The following RALGAPA1 variants were observed in gnomAD, a reference collection of about 807,000 sequenced individuals.
RALGAPA1 encodes the protein ral GTPase-activating protein subunit alpha-1.
RALGAPA1 carries 52 observed loss-of-function variants against 269.6 expected under a neutral mutation model. The observed-to-expected ratio is 0.19, with a 90% CI of 0.15 to 0.24. The LOEUF is 0.24. Among genes scored for constraint, RALGAPA1 ranks in the 10% least tolerant of loss-of-function variants. RALGAPA1 has a pLI of 1.00. For synonymous variants in RALGAPA1, 817 were observed against 1,008.3 expected (o/e 0.81, Z 3.60); for missense variants, 1,917 against 3,013.9 (o/e 0.64, Z 8.52).
rs118127164 is a variant in RALGAPA1 at position 35,734,374 on chromosome 14, A to C, written c.1587+4139T>G. 4.8e-3 allele frequency among the ~76,000 whole-genome samples: 731 copies of C among 152,324 alleles called. 14 individuals carry two copies. In the East Asian group the frequency reaches 0.057, roughly 12 times the overall value. ...AAACAGGCACAGAGACCAATGAAAC[A>C]GAATAGAAAACCCAGAAATAAACCC... On this transcript the variant is annotated intron_variant, in intron 12 of 41. Transcript: ENST00000680220.
chr14:35,721,658 A>C, intron 16 of RALGAPA1, 30 bp downstream of exon 16: 1 of 1,596,062 alleles, frequency 6.3e-7, no homozygotes, highest in Non-Finnish European at 8.6e-7. Flanking sequence ...AGTGCCCTGT[A>C]CCATTCTCAT....
chr14:35,655,497 T>TA (rs1368552476), intron 29 of RALGAPA1, among the ~76,000 whole-genome samples: 69 of 150,996 alleles, frequency 4.6e-4, no homozygotes, highest in Middle Eastern at 6.9e-3. Flanking sequence ...AAATACTAGT[T>TA]AAAAAAAAAC....
At position 35,645,346 on chromosome 14, in the gene RALGAPA1, GGTGTGTGT is replaced by G. The variant is rs58039867; in HGVS notation, c.5676+6451_5676+6458del. ...TCAGTCTATAGCAGATATAGAGATGGGTGTGTGTGTGTGTGTGTGTGTGTGTGTGTGTG... is the reference window on the plus strand; with the variant it reads ...TCAGTCTATAGCAGATATAGAGATGGGTGTGTGTGTGTGTGTGTGTGTGTG... On this transcript the variant is annotated intron_variant, in intron 31 of 41. Transcript: ENST00000680220. 5.9e-3 allele frequency among the ~76,000 whole-genome samples: 767 copies of G among 129,556 alleles called. 3 individuals carry two copies. Among genetic ancestry groups the G allele is most frequent in the Non-Finnish European group, 6.3e-3 (391 of 61,868 alleles). 85.0% of individuals were successfully genotyped at this position (129,556 alleles called of 152,430 possible). A position where few individuals can be genotyped will look rare whatever the true frequency, so the allele number is the denominator to read the frequency against.
At chr14:35,782,884 C>T (rs2075550504) in intron 1 of RALGAPA1, among the ~76,000 whole-genome samples, 1 of 151,622 alleles carries the variant, frequency 6.6e-6, no homozygotes, top group African/African-American at 2.4e-5. Flanking sequence ...TGCAGTGGTG[C>T]AGTCACAGTT....
chr14:35,671,567 G>T (rs1226946803), intron 25 of RALGAPA1, 50 bp from the exon 26 acceptor site: 7 of 996,922 alleles, frequency 7.0e-6, no homozygotes, highest in South Asian at 1.4e-5. Flanking sequence ...GTAATCTTGA[G>T]TATCAGCTAA....
Position 35,645,873 on chromosome 14 carries a change from C to T in RALGAPA1, c.5676+5932G>A, listed in dbSNP as rs532496594. Among the ~76,000 whole-genome samples, 5 of 152,104 alleles carry T rather than the reference C, an allele frequency of 3.3e-5. No individual in the cohort carries two copies. In the East Asian group the frequency reaches 9.7e-4, roughly 29 times the overall value. On this transcript the variant is annotated intron_variant, in intron 31 of 41. Transcript: ENST00000680220. ...TTTCAGGGCTGGGACAGGGAAAGCA[C>T]AAAGTGAGTCTGGAAAATTGTGTGC...
At chr14:35,542,595 A>G (rs2054109193) in intron 41 of RALGAPA1, 2 of 152,086 alleles carry the variant, frequency 1.3e-5, no homozygotes, top group Admixed American at 1.3e-4. Context: ...CAGTAGAAAG[A>G]CCTCAATTTT....
At chr14:35,755,847 T>C (rs1184079252) in intron 7 of RALGAPA1, among the ~76,000 whole-genome samples, 1 of 152,196 alleles carries the variant, frequency 6.6e-6, no homozygotes, top group Admixed American at 6.5e-5. Flanking sequence ...ATAATGTTTG[T>C]TTCTGAGGTA....
At chr14:35,594,567 C>T in intron 37 of RALGAPA1, among the ~76,000 whole-genome samples, 1 of 151,908 alleles carries the variant, frequency 6.6e-6, no homozygotes, top group Non-Finnish European at 1.5e-5. Context: ...TTAATCATCA[C>T]AGAAATGCAA....
At chr14:35,752,209 C>G (rs752499758) in intron 7 of RALGAPA1, 47 bp from the exon 8 acceptor site, 1 of 1,441,018 alleles carries the variant, frequency 6.9e-7, no homozygotes, top group South Asian at 1.4e-5. Context: ...GAAAGAATCT[C>G]TTAAATGCAA....
At chr14:35,570,777 C>G (rs757664970) in intron 38 of RALGAPA1, 33 bp from the exon 39 acceptor site, 17 of 1,567,000 alleles carry the variant, frequency 1.1e-5, no homozygotes, top group Non-Finnish European at 1.5e-5. Flanking sequence ...ATTTTACATT[C>G]AAATTACAGA....
At chr14:35,709,865 T>C (rs565929785) in intron 16 of RALGAPA1, among the ~76,000 whole-genome samples, 23 of 152,322 alleles carry the variant, frequency 1.5e-4, no homozygotes, top group African/African-American at 5.3e-4. Flanking sequence ...TTTCCATCGA[T>C]TTATAGTTAA....
At chr14:35,591,272 TG>T (rs1253238261) in intron 37 of RALGAPA1, among the ~76,000 whole-genome samples, 1 of 151,356 alleles carries the variant, frequency 6.6e-6, no homozygotes, top group East Asian at 1.9e-4. Flanking sequence ...GGATACAGCA[TG>T]TTATATTTTA....
chr14:35,667,347 G>C (rs1453831462), intron 26 of RALGAPA1, among the ~76,000 whole-genome samples: 3 of 152,172 alleles, frequency 2.0e-5, no homozygotes, highest in Non-Finnish European at 4.4e-5. Context: ...ACAGTGAGCT[G>C]AGATCGTGCC....
At chr14:35,685,414 A>G (rs1317231094) in intron 19 of RALGAPA1, among the ~76,000 whole-genome samples, 2 of 152,144 alleles carry the variant, frequency 1.3e-5, no homozygotes. Flanking sequence ...ATAAATTAAA[A>G]CAGCAGAAAG....
chr14:35,556,183 T>C (rs890364605), intron 39 of RALGAPA1, among the ~76,000 whole-genome samples: 12 of 152,182 alleles, frequency 7.9e-5, no homozygotes, highest in African/African-American at 2.4e-5. Context: ...TATTGAGACA[T>C]AGCATATGGG....
chr14:35,702,616 T>C (rs1048486390), intron 16 of RALGAPA1, among the ~76,000 whole-genome samples: 1 of 151,840 alleles, frequency 6.6e-6, no homozygotes, highest in Non-Finnish European at 1.5e-5. Flanking sequence ...CAATCACTCA[T>C]TAAAATTGGT....
chr14:35,804,699 T>A (rs1046802417), intron 1 of RALGAPA1, among the ~76,000 whole-genome samples: 1 of 152,010 alleles, frequency 6.6e-6, no homozygotes, highest in Non-Finnish European at 1.5e-5. Context: ...TTTGGGAGGC[T>A]GAGATGGGAG....
chr14:35,581,730 T>C (rs1007802080), intron 37 of RALGAPA1, among the ~76,000 whole-genome samples: 19 of 152,130 alleles, frequency 1.2e-4, no homozygotes, highest in African/African-American at 4.3e-4. Flanking sequence ...AAACAGAAAA[T>C]AACAAGTGTT....
Sources: allele counts gnomAD v4.1 joint callset (sites outside exome capture counted in the v4.1 genomes callset), GRCh38; gene constraint gnomAD v4.1.1; transcripts MANE v1.5; gene names NCBI Gene and HGNC (gene_info 2026-07-23, HGNC 2026-07-21).